Variants in NXPH1 observed in about 807,000 individuals in gnomAD.
NXPH1 encodes the protein neurexophilin 1, also known as neurexophilin-1.
Under a neutral mutation model 23.7 loss-of-function variants are expected in NXPH1, and 5 were observed. The observed-to-expected ratio is 0.21, with a 90% CI of 0.11 to 0.44. NXPH1 has a LOEUF of 0.44. Ranked by LOEUF, NXPH1 falls within the 20% of genes least tolerant of loss-of-function variation. The pLI, the probability that NXPH1 is intolerant of heterozygous loss-of-function variation, is 0.99. For missense variants in NXPH1, 324 were observed against 321.6 expected, an observed-to-expected ratio of 1.01 and a Z score of -0.06; for synonymous variants, 144 against 122.2, an observed-to-expected ratio of 1.18 and a Z score of -1.18.
chr7:8,602,317 T>C (rs1583185083), intron 2 of NXPH1, among the ~76,000 whole-genome samples: 1 of 152,194 alleles, frequency 6.6e-6, no homozygotes, highest in African/African-American at 2.4e-5. Flanking sequence ...AACTCAAAAA[T>C]CTTTACTTGC....
chr7:8,679,123 A>AT (rs1157192526), intron 2 of NXPH1, among the ~76,000 whole-genome samples: 5 of 150,810 alleles, frequency 3.3e-5, no homozygotes, highest in African/African-American at 4.9e-5. Flanking sequence ...AATTTTTTGT[A>AT]TTTTTAGTAG....
chr7:8,498,911 A>G (rs1046939208), intron 2 of NXPH1, among the ~76,000 whole-genome samples: 1 of 152,058 alleles, frequency 6.6e-6, no homozygotes, highest in African/African-American at 2.4e-5. Context: ...TTCCTTGAGA[A>G]TTTGAGAATT....
At chr7:8,577,344 ATG>A (rs1378491782) in intron 2 of NXPH1, among the ~76,000 whole-genome samples, 3 of 152,198 alleles carry the variant, frequency 2.0e-5, no homozygotes, top group African/African-American at 7.2e-5. Flanking sequence ...TTGCAGGGGT[ATG>A]TGTCTTCTCC....
At chr7:8,564,483 G>A (rs768150838) in intron 2 of NXPH1, among the ~76,000 whole-genome samples, 1 of 151,580 alleles carries the variant, frequency 6.6e-6, no homozygotes, top group African/African-American at 2.4e-5. Context: ...GTGCTTAACA[G>A]CCATCTGGAA....
chr7:8,463,799 A>G (rs1584171831), intron 2 of NXPH1, among the ~76,000 whole-genome samples: 1 of 152,236 alleles, frequency 6.6e-6, no homozygotes, highest in East Asian at 1.9e-4. Context: ...TATCTGTAAA[A>G]TGAAGGTTTT....
At chr7:8,581,929 G>A (rs570801186) in intron 2 of NXPH1, among the ~76,000 whole-genome samples, 3 of 152,274 alleles carry the variant, frequency 2.0e-5, no homozygotes, top group Admixed American at 2.0e-4. Context: ...TGCTGCCTCT[G>A]CTTGTGCTAC....
chr7:8,608,033 A>G (rs928456931), intron 2 of NXPH1, among the ~76,000 whole-genome samples: 1 of 152,214 alleles, frequency 6.6e-6, no homozygotes, highest in Non-Finnish European at 1.5e-5. Context: ...GGAGGAGGTA[A>G]GGAAGGATTC....
chr7:8,611,637 C>T (rs1400617276), intron 2 of NXPH1, among the ~76,000 whole-genome samples: 3 of 152,118 alleles, frequency 2.0e-5, no homozygotes, highest in Non-Finnish European at 4.4e-5. Context: ...AAAGCTTGCT[C>T]TGTACAGTTA....
chr7:8,618,287 C>A (rs1477775866), intron 2 of NXPH1, among the ~76,000 whole-genome samples: 1 of 152,052 alleles, frequency 6.6e-6, no homozygotes, highest in African/African-American at 2.4e-5. Flanking sequence ...TATTTTCACT[C>A]AATTATCTGA....
At chr7:8,478,435 A>G (rs1435893230) in intron 2 of NXPH1, among the ~76,000 whole-genome samples, 2 of 152,138 alleles carry the variant, frequency 1.3e-5, no homozygotes, top group African/African-American at 4.8e-5. Flanking sequence ...CCAAATAAAC[A>G]GAATGGATAA....
intron 2 of NXPH1, among the ~76,000 whole-genome samples, chr7:8,532,826 T>C (rs1817969553): frequency 1.3e-5 from 2 of 152,168 alleles, no homozygotes; most frequent in Admixed American, 1.3e-4. Context: ...CATTTGTAAT[T>C]CAAGCTTATG....
intron 2 of NXPH1, among the ~76,000 whole-genome samples, chr7:8,619,470 C>G (rs376474058): frequency 6.6e-5 from 10 of 152,278 alleles, no homozygotes; most frequent in African/African-American, 2.4e-4. Context: ...GTTCAATGCT[C>G]TTTCAGATAT....
intron 2 of NXPH1, among the ~76,000 whole-genome samples, chr7:8,648,292 C>T (rs1447599186): frequency 1.3e-5 from 2 of 152,062 alleles, no homozygotes; most frequent in African/African-American, 4.8e-5. Context: ...ATTAACCACT[C>T]CCACCTACAC....
At chr7:8,750,380 C>T (rs1780543188) in intron 2 of NXPH1, among the ~76,000 whole-genome samples, 1 of 152,120 alleles carries the variant, frequency 6.6e-6, no homozygotes, top group Non-Finnish European at 1.5e-5. Context: ...AGGTTTGTTA[C>T]ACAAGCATAC....
rs576603721 is a variant in NXPH1, at chr7:8,526,436, T to C, written c.54+90669T>C. Among the ~76,000 whole-genome samples the C allele has an allele frequency of 5.3e-5, 8 of 152,268 alleles. No individual in the cohort carries two copies. In the South Asian group the frequency reaches 1.7e-3, roughly 32 times the overall value. ...GGTTAATGCTGAGATGAGTTAAGAC[T>C]TTGGGGGACTGTTGGGAAGGCATGA... On this transcript the variant is annotated intron_variant, in intron 2 of 2. Transcript: ENST00000405863.
chr7:8,526,818 C>G (rs1419498390), intron 2 of NXPH1, among the ~76,000 whole-genome samples: 1 of 152,162 alleles, frequency 6.6e-6, no homozygotes, highest in Non-Finnish European at 1.5e-5. Context: ...CTTTTTCTTA[C>G]CAGTCTTGGC....
chr7:8,688,654 C>T (rs1448253147), intron 2 of NXPH1, among the ~76,000 whole-genome samples: 1 of 152,154 alleles, frequency 6.6e-6, no homozygotes, highest in Non-Finnish European at 1.5e-5. Context: ...TATGTGTCTT[C>T]TTTTCACTTA....
At chr7:8,554,592 G>A (rs1023453281) in intron 2 of NXPH1, among the ~76,000 whole-genome samples, 2 of 151,622 alleles carry the variant, frequency 1.3e-5, no homozygotes, top group Non-Finnish European at 3.0e-5. Context: ...TCCTTTCTTA[G>A]GTTCACATTT....
At chr7:8,595,914 C>T (rs961506397) in intron 2 of NXPH1, among the ~76,000 whole-genome samples, 1 of 151,940 alleles carries the variant, frequency 6.6e-6, no homozygotes, top group Non-Finnish European at 1.5e-5. Flanking sequence ...ATTATAAGGA[C>T]AGATAAATAA....
Sources: allele counts gnomAD v4.1 joint callset (sites outside exome capture counted in the v4.1 genomes callset), GRCh38; gene constraint gnomAD v4.1.1; transcripts MANE v1.5; gene names NCBI Gene and HGNC (gene_info 2026-07-23, HGNC 2026-07-21).